The following FRMD6 variants were observed in gnomAD, a reference collection of about 807,000 sequenced individuals.
FRMD6 encodes the protein FERM domain-containing protein 6.
Under a neutral mutation model 73.2 loss-of-function variants are expected in FRMD6, and 37 were observed. That is an observed-to-expected ratio of 0.51 (90% CI 0.39 to 0.66). The LOEUF (loss-of-function observed/expected upper bound fraction) is 0.66, where lower values mean the gene tolerates loss of function less well. FRMD6 is among the 30% of genes least tolerant of loss of function. FRMD6 has a pLI of 0.00. For synonymous variants in FRMD6, 273 were observed against 282.2 expected (o/e 0.97, Z 0.33); for missense variants, 714 against 780.5 (o/e 0.91, Z 1.02).
chr14:51,576,754 A>C (rs886146775), intron 2 of FRMD6, among the ~76,000 whole-genome samples: 2 of 152,176 alleles, frequency 1.3e-5, no homozygotes, highest in Non-Finnish European at 2.9e-5. Flanking sequence ...CGCTGGAGAC[A>C]GGAACCTCCC....
At chr14:51,562,379 G>A (rs190243509) in intron 1 of FRMD6, among the ~76,000 whole-genome samples, 12 of 152,276 alleles carry the variant, frequency 7.9e-5, no homozygotes, top group Admixed American at 4.6e-4. Flanking sequence ...GCAGAAGATA[G>A]CATGCATATT....
At chr14:51,525,328 G>T (rs1001572499) in intron 1 of FRMD6, among the ~76,000 whole-genome samples, 2 of 151,966 alleles carry the variant, frequency 1.3e-5, no homozygotes, top group South Asian at 4.1e-4. Context: ...GAGTGCAGTA[G>T]CGAGGTCTCT....
chr14:51,543,839 C>T (rs915096945), intron 1 of FRMD6, among the ~76,000 whole-genome samples: 18 of 151,962 alleles, frequency 1.2e-4, no homozygotes, highest in African/African-American at 2.9e-4. Context: ...GCAATGTAAG[C>T]GTGGACCGAA....
intron 2 of FRMD6, among the ~76,000 whole-genome samples, chr14:51,635,415 A>C: frequency 6.6e-6 from 1 of 152,240 alleles, no homozygotes; most frequent in East Asian, 1.9e-4. Flanking sequence ...AAAAGGAGGC[A>C]GAGTCTAGCT....
At chr14:51,603,991 C>A (rs896497429) in intron 2 of FRMD6, among the ~76,000 whole-genome samples, 2 of 148,756 alleles carry the variant, frequency 1.3e-5, no homozygotes, top group Admixed American at 1.3e-4. Flanking sequence ...GAGTGAGGAG[C>A]AGAGGAAGGT....
intron 2 of FRMD6, among the ~76,000 whole-genome samples, chr14:51,600,878 A>C (rs1407267696): frequency 6.6e-6 from 1 of 152,250 alleles, no homozygotes; most frequent in Non-Finnish European, 1.5e-5. Flanking sequence ...AGGCAATGTC[A>C]AGGGCTTGCA....
the FRMD6 span, among the ~76,000 whole-genome samples, chr14:51,402,257 A>T: frequency 6.6e-6 from 1 of 152,210 alleles, no homozygotes; most frequent in Non-Finnish European, 1.5e-5. Context: ...GATGTGAGAG[A>T]ACAAGAAGGT....
chr14:51,606,886 G>A (rs1390940688), intron 2 of FRMD6, among the ~76,000 whole-genome samples: 1 of 152,176 alleles, frequency 6.6e-6, no homozygotes, highest in Non-Finnish European at 1.5e-5. Context: ...GAGAACCTGA[G>A]GTGGGGAGGG....
At chr14:51,470,495 G>A in the FRMD6 span, among the ~76,000 whole-genome samples, 6 of 149,374 alleles carry the variant, frequency 4.0e-5, no homozygotes, top group Non-Finnish European at 1.5e-5. Context: ...GCGAGACTCC[G>A]TCTCAAAAAA....
rs77557310 is a variant in FRMD6 at position 51,619,924 on chromosome 14, G to A, written c.-147+49514G>A. Among the ~76,000 whole-genome samples, 1,285 of 152,258 alleles carry A rather than the reference G, an allele frequency of 8.4e-3. 10 individuals are homozygous for A. The highest frequency in any genetic ancestry group is 0.03 in the South Asian group (143 of 4,812). On this transcript the variant is annotated intron_variant, in intron 2 of 14. Transcript: ENST00000356218. ...TTATGACAGCTGTATTCAAGGTGTC[G>A]CAGAAGGCAACGGGGTAATTCCCCT...
At chr14:51,414,760 C>T in the FRMD6 span, among the ~76,000 whole-genome samples, 1 of 152,140 alleles carries the variant, frequency 6.6e-6, no homozygotes, top group African/African-American at 2.4e-5. Context: ...TGGCCATTTT[C>T]CCGATATTGA....
At chr14:51,563,592 C>A (rs1476961690) in intron 1 of FRMD6, among the ~76,000 whole-genome samples, 1 of 152,108 alleles carries the variant, frequency 6.6e-6, no homozygotes, top group Non-Finnish European at 1.5e-5. Context: ...ATCACTTGAA[C>A]CTGGGTGGCA....
the FRMD6 span, among the ~76,000 whole-genome samples, chr14:51,482,532 G>A: frequency 6.6e-6 from 1 of 152,196 alleles, no homozygotes; most frequent in South Asian, 2.1e-4. Context: ...TCTGCTCGGA[G>A]AGAATCACCG....
intron 2 of FRMD6, among the ~76,000 whole-genome samples, chr14:51,644,394 C>G (rs565049890): frequency 1.0e-5 from 1 of 98,906 alleles, no homozygotes; most frequent in South Asian, 3.6e-4. Flanking sequence ...CACACTCACT[C>G]ACTCTCTCTC....
At chr14:51,399,184 A>G in the FRMD6 span, among the ~76,000 whole-genome samples, 3 of 152,092 alleles carry the variant, frequency 2.0e-5, no homozygotes, top group Non-Finnish European at 4.4e-5. Flanking sequence ...GTCAGAATTT[A>G]CCACTCCCTC....
rs373855829 is a variant in FRMD6 at position 51,665,237 on chromosome 14, C to A, written c.-147+13241C>A. On this transcript the variant is annotated intron_variant, in intron 1 of 13. Coordinates refer to ENST00000344768, the MANE Select transcript of FRMD6 (RefSeq NM_001267046.2). ...TCTGTTGTAGCAACATAACAGCTTCCCCCTTTATACGGGGTGTGTGCTCTG... is the reference window on the plus strand; with the variant it reads ...TCTGTTGTAGCAACATAACAGCTTCACCCTTTATACGGGGTGTGTGCTCTG... 1.3e-3 allele frequency among the ~76,000 whole-genome samples: 198 copies of A among 152,234 alleles called. 1 individual carries two copies. Among genetic ancestry groups the A allele is most frequent in the African/African-American group, 4.6e-3 (191 of 41,534 alleles).
the FRMD6 span, among the ~76,000 whole-genome samples, chr14:51,415,261 CCATT>C: frequency 1.3e-5 from 2 of 152,076 alleles, no homozygotes. Flanking sequence ...CAGTTTCTGC[CCATT>C]CATTCAGTAT....
intron 2 of FRMD6, among the ~76,000 whole-genome samples, chr14:51,603,158 C>T (rs551526516): frequency 6.6e-6 from 1 of 152,328 alleles, no homozygotes; most frequent in South Asian, 2.1e-4. Flanking sequence ...CCAACCAGAA[C>T]TCCAGCCCTC....
chr14:51,709,686 C>A (rs1403895546), intron 7 of FRMD6, among the ~76,000 whole-genome samples: 1 of 151,718 alleles, frequency 6.6e-6, no homozygotes, highest in Non-Finnish European at 1.5e-5. Flanking sequence ...TTTTTTTTAG[C>A]CTGAAGAGAT....
Sources: allele counts gnomAD v4.1 joint callset (sites outside exome capture counted in the v4.1 genomes callset), GRCh38; gene constraint gnomAD v4.1.1; transcripts MANE v1.5; gene names NCBI Gene and HGNC (gene_info 2026-07-23, HGNC 2026-07-21).